GRIK2: variants seen among roughly 807,000 people sequenced by gnomAD.
GRIK2 encodes glutamate receptor ionotropic, kainate 2.
GRIK2 carries 32 observed loss-of-function variants against 100.3 expected under a neutral mutation model. The ratio of observed to expected loss-of-function variants is 0.32; its 90% CI spans 0.24 to 0.43. GRIK2 has a LOEUF of 0.43. Among genes scored for constraint, GRIK2 ranks in the 20% least tolerant of loss-of-function variants. The pLI is 1.00. For synonymous variants in GRIK2, 417 were observed against 389.4 expected (o/e 1.07, Z -0.83); for missense variants, 843 against 1,114.9 (o/e 0.76, Z 3.47).
intron 10 of GRIK2, among the ~76,000 whole-genome samples, chr6:101,855,159 A>G (rs1784357798): frequency 6.6e-6 from 1 of 152,162 alleles, no homozygotes; most frequent in Admixed American, 6.5e-5. Context: ...GAGAAAGGTA[A>G]GTTTTAAGCC....
chr6:101,864,539 A>C (rs1445997473), intron 11 of GRIK2, among the ~76,000 whole-genome samples: 3 of 152,234 alleles, frequency 2.0e-5, no homozygotes, highest in Non-Finnish European at 4.4e-5. Context: ...ATGGGTTTTC[A>C]AATCAGATTT....
chr6:101,568,081 T>C (rs2128298046), intron 2 of GRIK2, among the ~76,000 whole-genome samples: 1 of 152,142 alleles, frequency 6.6e-6, no homozygotes, highest in East Asian at 1.9e-4. Context: ...ATGTTGTTTA[T>C]CTTAGTAAAT....
At chr6:101,438,610 A>C (rs1179155783) in intron 2 of GRIK2, among the ~76,000 whole-genome samples, 1 of 151,988 alleles carries the variant, frequency 6.6e-6, no homozygotes, top group Non-Finnish European at 1.5e-5. Flanking sequence ...TGTGCTCAAC[A>C]TCGTTCTGGC....
intron 7 of GRIK2, among the ~76,000 whole-genome samples, chr6:101,713,959 G>A (rs1014588211): frequency 1.3e-5 from 2 of 151,738 alleles, no homozygotes; most frequent in Admixed American, 6.6e-5. Flanking sequence ...ATTAGAGTAA[G>A]TTAAAATTAG....
At chr6:101,448,237 C>T (rs1770484599) in intron 2 of GRIK2, among the ~76,000 whole-genome samples, 2 of 151,612 alleles carry the variant, frequency 1.3e-5, no homozygotes, top group African/African-American at 4.8e-5. Context: ...ATGTATTATA[C>T]ATATGTTAGG....
chr6:101,992,771 C>T (rs1794444297), intron 14 of GRIK2, among the ~76,000 whole-genome samples: 1 of 151,282 alleles, frequency 6.6e-6, no homozygotes, highest in African/African-American at 2.4e-5. Flanking sequence ...AAAAAATCAA[C>T]AGGAAAAGGG....
intron 2 of GRIK2, among the ~76,000 whole-genome samples, chr6:101,427,531 C>T (rs559947484): frequency 6.6e-6 from 1 of 152,248 alleles, no homozygotes; most frequent in African/African-American, 2.4e-5. Context: ...TAAAGTGCAG[C>T]CAGTCAATAT....
At chr6:101,791,832 G>T (rs1013839704) in intron 7 of GRIK2, among the ~76,000 whole-genome samples, 23 of 151,582 alleles carry the variant, frequency 1.5e-4, no homozygotes, top group Non-Finnish European at 3.1e-4. Context: ...TTATTATTGT[G>T]TGGGAGTCTA....
chr6:101,636,450 G>A (rs1258631731), intron 4 of GRIK2, among the ~76,000 whole-genome samples: 1 of 151,782 alleles, frequency 6.6e-6, no homozygotes, highest in Non-Finnish European at 1.5e-5. Flanking sequence ...GTATACCTAC[G>A]TAACATACCT....
At chr6:101,427,572 T>C (rs1287943150) in intron 2 of GRIK2, among the ~76,000 whole-genome samples, 2 of 152,206 alleles carry the variant, frequency 1.3e-5, no homozygotes, top group Non-Finnish European at 2.9e-5. Context: ...CTGGCACAAT[T>C]CAGTACTTTA....
intron 3 of GRIK2, among the ~76,000 whole-genome samples, chr6:101,624,199 T>G (rs1033993369): frequency 1.3e-5 from 2 of 152,108 alleles, no homozygotes; most frequent in African/African-American, 4.8e-5. Flanking sequence ...AACCGAAAGC[T>G]CTAATCTTGC....
rs141426024 is a variant in GRIK2 at position 102,069,295 on chromosome 6, A to AAATAATAATAAT, written c.*817_*828dup. On this transcript the variant is annotated 3_prime_UTR_variant, in exon 17 of 17. Coordinates refer to ENST00000369134, the MANE Select transcript of GRIK2 (RefSeq NM_021956.5). ...ACCTTTTCTCTAACCCCCATATCCCAAATAATAATAATAATAATAATAATA... is the reference window on the plus strand; with the variant it reads ...ACCTTTTCTCTAACCCCCATATCCCAAATAATAATAATAATAATAATAATAATAATAATAATA... 19 of 139,506 alleles carry AAATAATAATAAT rather than the reference A, an allele frequency of 1.4e-4. No individual in the cohort carries two copies. Among genetic ancestry groups the AAATAATAATAAT allele is most frequent in the East Asian group, 6.4e-4 (3 of 4,706 alleles). The allele number at this position is 139,506 out of a possible 1,614,324, so 8.6% of individuals were successfully genotyped here.
intron 2 of GRIK2, among the ~76,000 whole-genome samples, chr6:101,520,152 T>A (rs1411613294): frequency 7.4e-6 from 1 of 134,284 alleles, no homozygotes; most frequent in Non-Finnish European, 1.5e-5. Context: ...GAATAATCAA[T>A]TACATGATAA....
intron 10 of GRIK2, 42 bp downstream of exon 10, chr6:101,818,525 G>A: frequency 9.7e-7 from 1 of 1,026,422 alleles, no homozygotes; most frequent in East Asian, 2.4e-5. Context: ...AAATGTAGAT[G>A]AACACAGAAG....
chr6:101,579,393 C>G (rs1040834544), intron 2 of GRIK2, among the ~76,000 whole-genome samples: 1 of 151,982 alleles, frequency 6.6e-6, no homozygotes, highest in African/African-American at 2.4e-5. Flanking sequence ...TCATCATGCT[C>G]TCTTTTCTTT....
At chr6:102,053,091 A>AC (rs1554197944) in intron 15 of GRIK2, among the ~76,000 whole-genome samples, 3 of 149,268 alleles carry the variant, frequency 2.0e-5, no homozygotes, top group African/African-American at 7.4e-5. Flanking sequence ...CAACAACAAC[A>AC]ACACACACAC....
intron 2 of GRIK2, among the ~76,000 whole-genome samples, chr6:101,399,840 A>G (rs1562110254): frequency 6.6e-6 from 1 of 152,228 alleles, no homozygotes; most frequent in Non-Finnish European, 1.5e-5. Flanking sequence ...CGCTTCCGCC[A>G]GTGACCAGGG....
At chr6:101,402,969 A>G (rs1457461157) in intron 2 of GRIK2, among the ~76,000 whole-genome samples, 1 of 151,844 alleles carries the variant, frequency 6.6e-6, no homozygotes, top group Non-Finnish European at 1.5e-5. Context: ...AGGTAATTGA[A>G]CCTTTCTTTT....
chr6:102,051,756 GTCC>G (rs1282345570), intron 15 of GRIK2, among the ~76,000 whole-genome samples: 1 of 152,048 alleles, frequency 6.6e-6, no homozygotes, highest in African/African-American at 2.4e-5. Context: ...ATGGTTGTCT[GTCC>G]TCCTAACAGT....
Sources: allele counts gnomAD v4.1 joint callset (sites outside exome capture counted in the v4.1 genomes callset), GRCh38; gene constraint gnomAD v4.1.1; transcripts MANE v1.5; gene names NCBI Gene and HGNC (gene_info 2026-07-23, HGNC 2026-07-21).